The following CORO2A variants were observed in gnomAD, a reference collection of about 807,000 sequenced individuals.
CORO2A encodes coronin 2A.
CORO2A carries 47 observed loss-of-function variants against 62.4 expected under a neutral mutation model. The observed-to-expected ratio is 0.75, with a 90% CI of 0.60 to 0.96. The LOEUF (loss-of-function observed/expected upper bound fraction) is 0.96. Among genes scored for constraint, CORO2A ranks in the 40% least tolerant of loss-of-function variants. The pLI is 0.00. For synonymous variants in CORO2A, 273 were observed against 268.9 expected, an observed-to-expected ratio of 1.02 and a Z score of -0.15; for missense variants, 610 against 684.1, an observed-to-expected ratio of 0.89 and a Z score of 1.21.
chr9:98,158,287 A>G (rs1042298359), intron 1 of CORO2A, among the ~76,000 whole-genome samples: 1 of 152,210 alleles, frequency 6.6e-6, no homozygotes, highest in Non-Finnish European at 1.5e-5. Context: ...CTCTAAAAAA[A>G]AAATAAAAGA....
intron 1 of CORO2A, among the ~76,000 whole-genome samples, chr9:98,183,426 T>C (rs562396418): frequency 6.6e-6 from 1 of 152,218 alleles, no homozygotes; most frequent in Non-Finnish European, 1.5e-5. Flanking sequence ...GGGGATGTCA[T>C]CCAGGCCTTA....
intron 1 of CORO2A, among the ~76,000 whole-genome samples, chr9:98,163,690 C>T (rs1827918438): frequency 6.6e-6 from 1 of 150,542 alleles, no homozygotes; most frequent in Non-Finnish European, 1.5e-5. Context: ...GCAATATGCT[C>T]CTTTCTTGAC....
intron 1 of CORO2A, among the ~76,000 whole-genome samples, chr9:98,165,274 T>C (rs1319725330): frequency 3.9e-5 from 6 of 152,188 alleles, no homozygotes; most frequent in Non-Finnish European, 7.3e-5. Context: ...GTAACAATTC[T>C]ATTGTAAATT....
At chr9:98,160,399 A>G (rs1420085979) in intron 1 of CORO2A, among the ~76,000 whole-genome samples, 1 of 152,200 alleles carries the variant, frequency 6.6e-6, no homozygotes, top group Non-Finnish European at 1.5e-5. Flanking sequence ...TAGACCTCAG[A>G]TTTGGCTCTG....
chr9:98,132,033 T>A (rs1827415444), intron 6 of CORO2A, 152 bp downstream of exon 6: 4 of 691,972 alleles, frequency 5.8e-6, no homozygotes, highest in South Asian at 5.1e-5. Context: ...GCTGTCAGCA[T>A]CTCCCTGCTA....
At chr9:98,170,804 C>T (rs956653468) in intron 1 of CORO2A, among the ~76,000 whole-genome samples, 8 of 152,140 alleles carry the variant, frequency 5.3e-5, no homozygotes, top group Non-Finnish European at 8.8e-5. Context: ...TCCCCTCTCC[C>T]GCTTTCTGAG....
At chr9:98,137,829 TC>T (rs34374919) in intron 2 of CORO2A, 141 bp from the exon 3 acceptor site, 63,894 of 674,576 alleles carry the variant, frequency 0.095, 3,651 homozygotes, top group Non-Finnish European at 0.11. Flanking sequence ...TACTTCTTAT[TC>T]CCTGTGGGAT....
chr9:98,147,070 C>A (rs1011434802), intron 2 of CORO2A, among the ~76,000 whole-genome samples: 1 of 152,004 alleles, frequency 6.6e-6, no homozygotes, highest in Non-Finnish European at 1.5e-5. Flanking sequence ...AGTTTGAGAC[C>A]AGCCTGGGCA....
At chr9:98,154,080 G>A (rs1264634767) in intron 2 of CORO2A, among the ~76,000 whole-genome samples, 1 of 151,842 alleles carries the variant, frequency 6.6e-6, no homozygotes. Flanking sequence ...TTTATTTACT[G>A]TAATTTGCTA....
At chr9:98,179,806 C>G (rs1207274530) in intron 1 of CORO2A, among the ~76,000 whole-genome samples, 1 of 152,044 alleles carries the variant, frequency 6.6e-6, no homozygotes, top group African/African-American at 2.4e-5. Context: ...AGTTTGAGAC[C>G]AGCCTGATCA....
intron 8 of CORO2A, among the ~76,000 whole-genome samples, chr9:98,129,028 G>C (rs1045361982): frequency 6.6e-6 from 1 of 152,138 alleles, no homozygotes; most frequent in African/African-American, 2.4e-5. Flanking sequence ...ACACTCCTGG[G>C]CTCAAGCGAT....
At chr9:98,161,107 G>A (rs187161192) in intron 1 of CORO2A, among the ~76,000 whole-genome samples, 25 of 152,320 alleles carry the variant, frequency 1.6e-4, no homozygotes, top group Non-Finnish European at 2.9e-4. Context: ...GGAGGACAGC[G>A]ACCCATCCTG....
At chr9:98,161,975 ACCTCCC>A (rs1390124493) in intron 1 of CORO2A, among the ~76,000 whole-genome samples, 3 of 151,868 alleles carry the variant, frequency 2.0e-5, no homozygotes, top group Non-Finnish European at 4.4e-5. Context: ...CCTGGGCAAC[ACCTCCC>A]CTGGAGCTCA....
At chr9:98,183,115 C>T (rs942199225) in intron 1 of CORO2A, among the ~76,000 whole-genome samples, 13 of 152,232 alleles carry the variant, frequency 8.5e-5, no homozygotes, top group East Asian at 7.7e-4. Flanking sequence ...GGCCCTTCCC[C>T]GGCCTGGCGC....
At chr9:98,163,743 A>AT (rs61124973) in intron 1 of CORO2A, among the ~76,000 whole-genome samples, 1 of 112,550 alleles carries the variant, frequency 8.9e-6, no homozygotes, top group African/African-American at 3.3e-5. Context: ...TGTGTGTGTG[A>AT]GAGAGAGAGA....
At chr9:98,140,372 G>T (rs1400335904) in intron 2 of CORO2A, among the ~76,000 whole-genome samples, 1 of 151,934 alleles carries the variant, frequency 6.6e-6, no homozygotes, top group Admixed American at 6.6e-5. Flanking sequence ...CAAGAACAGG[G>T]TGGACTCAGG....
intron 2 of CORO2A, among the ~76,000 whole-genome samples, chr9:98,145,776 G>C (rs1188570948): frequency 1.3e-5 from 2 of 152,144 alleles, no homozygotes; most frequent in African/African-American, 4.8e-5. Context: ...GCAATGGTGC[G>C]ATCTTGGTTT....
At chr9:98,163,741 T>TGAGAGAGA (rs565063006) in intron 1 of CORO2A, among the ~76,000 whole-genome samples, 24 of 139,632 alleles carry the variant, frequency 1.7e-4, no homozygotes, top group African/African-American at 4.5e-4. Context: ...TGTGTGTGTG[T>TGAGAGAGA]GAGAGAGAGA....
chr9:98,175,247 G>A (rs1188039117), intron 1 of CORO2A, among the ~76,000 whole-genome samples: 19 of 151,954 alleles, frequency 1.3e-4, no homozygotes, highest in Non-Finnish European at 2.4e-4. Context: ...CGGTAGGGTG[G>A]GGAGGCCTTG....
Sources: allele counts gnomAD v4.1 joint callset (sites outside exome capture counted in the v4.1 genomes callset), GRCh38; gene constraint gnomAD v4.1.1; transcripts MANE v1.5; gene names NCBI Gene and HGNC (gene_info 2026-07-23, HGNC 2026-07-21).